CCDC102B: variants seen among roughly 807,000 people sequenced by gnomAD.
The protein encoded by CCDC102B is coiled-coil domain-containing protein 102B.
A neutral mutation model predicts 57.4 loss-of-function variants in CCDC102B; 75 were observed. That is an observed-to-expected ratio of 1.31 (90% confidence interval 1.08 to 1.58). The LOEUF (loss-of-function observed/expected upper bound fraction) is 1.58. CCDC102B is among the 40% of genes most tolerant of loss of function. The pLI is 0.00. For synonymous variants in CCDC102B, 206 were observed against 201.9 expected, an observed-to-expected ratio of 1.02 and a Z score of -0.17; for missense variants, 636 against 582.6, an observed-to-expected ratio of 1.09 and a Z score of -0.94.
In CCDC102B at chr18:68,785,777, T is replaced by A. The variant is rs1265215057; in HGVS notation, c.-66-37589T>A. Among the ~76,000 whole-genome samples the A allele has an allele frequency of 2.0e-5, 3 of 150,892 alleles. No homozygotes were observed. The East Asian group carries it at 5.8e-4, about 29-fold the overall frequency. ...CGAAAATTTTCTCCCATTCTGTAGGTTGCCTGTTCACTCTGATGGTAGTTT... is the reference window on the plus strand; with the variant it reads ...CGAAAATTTTCTCCCATTCTGTAGGATGCCTGTTCACTCTGATGGTAGTTT... On this transcript the variant is annotated intron_variant, in intron 2 of 3. Transcript: ENST00000578970.
rs2037225552 is a variant in CCDC102B at position 68,833,378 on chromosome 18, T to C, written c.-15-3371T>C. 1.5e-4 allele frequency among the ~76,000 whole-genome samples: 14 copies of C among 94,468 alleles called. No homozygotes were observed. In the Admixed American group the frequency reaches 2.3e-3, roughly 16 times the overall value. 62.0% of individuals were successfully genotyped at this position (94,468 alleles called of 152,430 possible). On this transcript the variant is annotated intron_variant, in intron 1 of 7. Transcript: ENST00000360242. ...TGTAAATTTCATTTTTCCTATGCTT[T>C]TCCTGTTTTTTTTTTTTTTTTTAAG...
intron 2 of CCDC102B, among the ~76,000 whole-genome samples, chr18:68,786,307 C>T (rs1436963412): frequency 1.9e-4 from 28 of 150,824 alleles, no homozygotes; most frequent in African/African-American, 3.2e-4. Context: ...CTTGGCAATG[C>T]GGGCTCTTTT....
intron 7 of CCDC102B, among the ~76,000 whole-genome samples, chr18:69,022,446 A>G (rs1179478572): frequency 6.6e-6 from 1 of 151,966 alleles, no homozygotes; most frequent in Non-Finnish European, 1.5e-5. Flanking sequence ...CTGTTCATTA[A>G]TTTACGAGTA....
intron 4 of CCDC102B, among the ~76,000 whole-genome samples, chr18:68,850,667 A>G (rs1175990327): frequency 6.6e-6 from 1 of 152,004 alleles, no homozygotes; most frequent in African/African-American, 2.4e-5. Flanking sequence ...CATGGCCTAC[A>G]TGGTTTCACT....
chr18:68,971,637 G>T (rs527652469), intron 6 of CCDC102B, among the ~76,000 whole-genome samples: 1 of 152,232 alleles, frequency 6.6e-6, no homozygotes, highest in East Asian at 1.9e-4. Flanking sequence ...ACTATGGGAT[G>T]TCTTTTAAAT....
At chr18:69,014,708 T>TG (rs1193024769) in intron 7 of CCDC102B, among the ~76,000 whole-genome samples, 19 of 151,860 alleles carry the variant, frequency 1.3e-4, no homozygotes, top group South Asian at 6.2e-4. Flanking sequence ...GGTGTTTTTT[T>TG]TGTGTGTGTG....
At chr18:68,757,518 T>G (rs1599416640) in intron 2 of CCDC102B, among the ~76,000 whole-genome samples, 1 of 152,276 alleles carries the variant, frequency 6.6e-6, no homozygotes, top group Non-Finnish European at 1.5e-5. Context: ...AAAAAACAGG[T>G]AATGCTATTT....
At chr18:68,890,236 T>C (rs989759499) in intron 5 of CCDC102B, among the ~76,000 whole-genome samples, 8 of 152,022 alleles carry the variant, frequency 5.3e-5, no homozygotes, top group African/African-American at 1.9e-4. Flanking sequence ...TTTTTTTTTC[T>C]GTTTCTGTTT....
chr18:68,817,218 A>G (rs1003998940), intron 1 of CCDC102B, among the ~76,000 whole-genome samples: 1 of 152,258 alleles, frequency 6.6e-6, no homozygotes, highest in African/African-American at 2.4e-5. Flanking sequence ...AGTACGTGTT[A>G]TCTGAAAGCA....
intron 2 of CCDC102B, among the ~76,000 whole-genome samples, chr18:68,725,416 C>T (rs762390871): frequency 8.5e-5 from 13 of 152,178 alleles, no homozygotes; most frequent in Non-Finnish European, 1.9e-4. Context: ...ACAATCAAGG[C>T]GTCAGAAGGC....
chr18:68,765,900 C>T (rs749597820), intron 2 of CCDC102B, among the ~76,000 whole-genome samples: 1 of 151,826 alleles, frequency 6.6e-6, no homozygotes, highest in Non-Finnish European at 1.5e-5. Context: ...CTCATGATTG[C>T]TAGTGAGATT....
At chr18:68,778,285 T>C (rs1005001482) in intron 2 of CCDC102B, among the ~76,000 whole-genome samples, 3 of 152,162 alleles carry the variant, frequency 2.0e-5, no homozygotes, top group Non-Finnish European at 1.5e-5. Flanking sequence ...ACCATCCATC[T>C]TTTTCTAAGA....
At chr18:69,009,443 G>A (rs1325364815) in intron 6 of CCDC102B, among the ~76,000 whole-genome samples, 2 of 151,868 alleles carry the variant, frequency 1.3e-5, no homozygotes, top group African/African-American at 2.4e-5. Flanking sequence ...CTATAATTTT[G>A]TCAGGTCAAA....
chr18:68,784,875 G>T (rs1015541153), intron 2 of CCDC102B, among the ~76,000 whole-genome samples: 1 of 151,632 alleles, frequency 6.6e-6, no homozygotes, highest in Non-Finnish European at 1.5e-5. Context: ...TGTGCACATT[G>T]TGCAGGATAG....
chr18:68,806,058 AT>A (rs11324396), intron 1 of CCDC102B, among the ~76,000 whole-genome samples: 9,757 of 152,100 alleles, frequency 0.064, 825 homozygotes, highest in African/African-American at 0.2. Context: ...CAAGCCCATA[AT>A]TTTTTTATGT....
intron 2 of CCDC102B, among the ~76,000 whole-genome samples, chr18:68,730,286 T>A (rs919923453): frequency 6.6e-6 from 1 of 152,116 alleles, no homozygotes; most frequent in Admixed American, 6.5e-5. Context: ...ATACAAAAAA[T>A]TTAGTGCCGT....
intron 2 of CCDC102B, among the ~76,000 whole-genome samples, chr18:68,783,002 T>TATC (rs1182397001): frequency 6.6e-6 from 1 of 152,334 alleles, no homozygotes; most frequent in Non-Finnish European, 1.5e-5. Context: ...GAGTGTTTAC[T>TATC]ATCTGCCAGG....
At chr18:68,987,347 C>T (rs1002593451) in intron 6 of CCDC102B, among the ~76,000 whole-genome samples, 1 of 152,134 alleles carries the variant, frequency 6.6e-6, no homozygotes, top group East Asian at 1.9e-4. Context: ...ATAAATGATG[C>T]TTGGATAACT....
chr18:68,866,978 G>GAT (rs1164559879), intron 4 of CCDC102B: 1 of 384,908 alleles, frequency 2.6e-6, no homozygotes, highest in East Asian at 5.9e-5. Context: ...ATCTAGAGTG[G>GAT]TTATCTTGGT....
Sources: allele counts gnomAD v4.1 joint callset (sites outside exome capture counted in the v4.1 genomes callset), GRCh38; gene constraint gnomAD v4.1.1; transcripts MANE v1.5; gene names NCBI Gene and HGNC (gene_info 2026-07-23, HGNC 2026-07-21).